RMDN2: variants seen among roughly 807,000 people sequenced by gnomAD.
The protein encoded by RMDN2 is regulator of microtubule dynamics protein 2.
A neutral mutation model predicts 52.8 loss-of-function variants in RMDN2; 61 were observed. That is an observed-to-expected ratio of 1.16 (90% confidence interval 0.94 to 1.43). The LOEUF (loss-of-function observed/expected upper bound fraction) is 1.43. Ranked by LOEUF, RMDN2 falls within the 40% of genes most tolerant of loss-of-function variation. RMDN2 has a pLI of 0.00. For missense variants in RMDN2, 592 were observed against 475.3 expected (o/e 1.25, Z -2.28); for synonymous variants, 180 against 153.1 (o/e 1.18, Z -1.30).
intron 10 of RMDN2, among the ~76,000 whole-genome samples, chr2:38,044,465 T>C (rs1558584217): frequency 6.6e-6 from 1 of 152,086 alleles, no homozygotes; most frequent in Non-Finnish European, 1.5e-5. Flanking sequence ...CAAATATATC[T>C]TCTGCCCTTT....
chr2:38,012,299 G>A (rs1678111993), intron 10 of RMDN2, among the ~76,000 whole-genome samples: 1 of 152,170 alleles, frequency 6.6e-6, no homozygotes, highest in Non-Finnish European at 1.5e-5. Context: ...ACTTTTCCTT[G>A]CTATCATTTC....
At position 38,004,125 on chromosome 2, in the gene RMDN2, C is replaced by T; in HGVS notation, c.1099-11C>T. ...GGATTATGTTTAATATTGGTTATTT[C>T]TCATTTCCAGTGTTATACTGATCTT... On this transcript the variant is annotated splice_polypyrimidine_tract_variant and intron_variant, in intron 9 of 10. Transcript: ENST00000354545. The T allele has an allele frequency of 6.2e-7, 1 of 1,612,808 alleles. No homozygotes were observed. The highest frequency in any genetic ancestry group is 8.5e-7 in the Non-Finnish European group (1 of 1,178,952).
intron 10 of RMDN2, among the ~76,000 whole-genome samples, chr2:38,016,804 C>T (rs550978215): frequency 2.0e-5 from 3 of 151,808 alleles, no homozygotes; most frequent in African/African-American, 2.4e-5. Flanking sequence ...AAGAAAGTGG[C>T]GAGCTTTTTC....
At chr2:38,052,961 G>T (rs1175102400) in intron 10 of RMDN2, among the ~76,000 whole-genome samples, 1 of 152,202 alleles carries the variant, frequency 6.6e-6, no homozygotes, top group Non-Finnish European at 1.5e-5. Flanking sequence ...TGGATCCTCA[G>T]TCACTAATTC....
At chr2:37,999,264 A>G (rs1215189548) in intron 8 of RMDN2, among the ~76,000 whole-genome samples, 2 of 152,036 alleles carry the variant, frequency 1.3e-5, no homozygotes, top group Admixed American at 6.5e-5. Flanking sequence ...ACACTGCGCA[A>G]ATTGCTTAAC....
chr2:38,029,356 G>A (rs1680012241), intron 10 of RMDN2: 1 of 152,056 alleles, frequency 6.6e-6, no homozygotes, highest in Non-Finnish European at 1.5e-5. Flanking sequence ...CTGGGCCAAG[G>A]GATGGAAGTT....
chr2:37,975,890 C>G (rs1291220414), intron 4 of RMDN2, among the ~76,000 whole-genome samples: 1 of 152,012 alleles, frequency 6.6e-6, no homozygotes, highest in Non-Finnish European at 1.5e-5. Flanking sequence ...GAATAGGTAA[C>G]TGAAAAAAAC....
At chr2:37,956,585 G>A (rs1213625349) in intron 2 of RMDN2, among the ~76,000 whole-genome samples, 1 of 151,644 alleles carries the variant, frequency 6.6e-6, no homozygotes, top group African/African-American at 2.4e-5. Context: ...TTTGGGGTTA[G>A]TTCTTTGTCT....
intron 7 of RMDN2, among the ~76,000 whole-genome samples, chr2:37,996,579 A>G (rs568752260): frequency 6.9e-6 from 1 of 144,172 alleles, no homozygotes; most frequent in South Asian, 2.3e-4. Flanking sequence ...CAACAAGGTG[A>G]GACATTGCCA....
chr2:37,941,763 C>T (rs1461748465), intron 2 of RMDN2, among the ~76,000 whole-genome samples: 1 of 152,152 alleles, frequency 6.6e-6, no homozygotes, highest in Admixed American at 6.5e-5. Flanking sequence ...TGGAGCATCC[C>T]AGGTTGACTT....
At chr2:38,045,743 C>T (rs896092618) in intron 10 of RMDN2, among the ~76,000 whole-genome samples, 20 of 152,192 alleles carry the variant, frequency 1.3e-4, no homozygotes, top group African/African-American at 4.3e-4. Flanking sequence ...GCTCTCCCCG[C>T]CCTTCTCCCC....
At chr2:37,933,607 CA>C (rs1368577471) in intron 2 of RMDN2, among the ~76,000 whole-genome samples, 1 of 152,196 alleles carries the variant, frequency 6.6e-6, no homozygotes, top group Non-Finnish European at 1.5e-5. Flanking sequence ...CCGTCTCCAC[CA>C]AAAAAATACG....
Position 37,982,733 on chromosome 2 carries a change from A to T in RMDN2, c.791+1390A>T, listed in dbSNP as rs1317894407. 2.0e-5 allele frequency among the ~76,000 whole-genome samples: 3 copies of T among 152,160 alleles called. No individual in the cohort carries two copies. In the East Asian group the frequency reaches 5.8e-4, roughly 29 times the overall value. On this transcript the variant is annotated intron_variant, in intron 5 of 10. Coordinates refer to ENST00000354545, the MANE Select transcript of RMDN2 (RefSeq NM_001170791.3). ...GAAAAAGGTAATTTTTCAGGTAACA[A>T]TTTGGTACAGACTTAAGATCATTTC... is the stretch of plus-strand genomic sequence containing the variant.
intron 10 of RMDN2, among the ~76,000 whole-genome samples, chr2:38,034,313 A>C (rs1274683125): frequency 1.3e-5 from 2 of 152,324 alleles, no homozygotes; most frequent in South Asian, 2.1e-4. Flanking sequence ...CTCTACCACT[A>C]TCTTGGACAT....
At chr2:38,033,055 T>C (rs1420176962) in intron 10 of RMDN2, 1 of 152,222 alleles carries the variant, frequency 6.6e-6, no homozygotes, top group Admixed American at 6.5e-5. Context: ...ATGTTCTCGT[T>C]AACACTTGCT....
chr2:37,941,942 CAAA>C (rs70949788), intron 2 of RMDN2, among the ~76,000 whole-genome samples: 28 of 141,044 alleles, frequency 2.0e-4, no homozygotes, highest in African/African-American at 2.1e-4. Context: ...ACTGGGGTAC[CAAA>C]AAAAAAAAAA....
chr2:37,964,442 T>C (rs1670764080), intron 2 of RMDN2, among the ~76,000 whole-genome samples: 1 of 152,248 alleles, frequency 6.6e-6, no homozygotes, highest in South Asian at 2.1e-4. Context: ...TTTGGCCCAT[T>C]GGTTGTTTAA....
chr2:38,012,602 G>C (rs550115781), intron 10 of RMDN2: 92 of 468,422 alleles, frequency 2.0e-4, no homozygotes, highest in African/African-American at 1.7e-3. Flanking sequence ...TTTTTCCTCA[G>C]TGATGTCTCC....
chr2:38,065,328 A>G (rs1297437983), intron 10 of RMDN2, among the ~76,000 whole-genome samples: 1 of 152,150 alleles, frequency 6.6e-6, no homozygotes, highest in African/African-American at 2.4e-5. Context: ...TGTAATACTT[A>G]TCCATTGAGA....
Sources: gnomAD v4.1 joint callset for allele counts (sites outside exome capture counted in the v4.1 genomes callset) on GRCh38, gnomAD v4.1.1 for gene constraint, MANE v1.5 for transcripts, NCBI Gene and HGNC (gene_info 2026-07-23, HGNC 2026-07-21) for gene names.